PCDHA3: variants seen among roughly 807,000 people sequenced by gnomAD.
The protein encoded by PCDHA3 is protocadherin alpha-3.
In PCDHA3, 41 loss-of-function variants were observed where a neutral mutation model predicts 62.2. That is an observed-to-expected ratio of 0.66 (90% CI 0.51 to 0.86). PCDHA3 has a LOEUF of 0.86. Ranked by LOEUF, PCDHA3 falls within the 40% of genes least tolerant of loss-of-function variation. The pLI, the probability that PCDHA3 is intolerant of heterozygous loss-of-function variation, is 0.00. For synonymous variants in PCDHA3, 640 were observed against 555.4 expected (o/e 1.15, Z -2.14); for missense variants, 1,304 against 1,241.2 (o/e 1.05, Z -0.76).
chr5:140,851,937 T>A, intron 1 of PCDHA3: 1 of 965,138 alleles, frequency 1.0e-6, no homozygotes, highest in Non-Finnish European at 1.3e-6. Context: ...TGAATTGTAG[T>A]ATGTGACTTT....
intron 1 of PCDHA3, chr5:140,857,099 G>C (rs2044359336): frequency 1.9e-6 from 3 of 1,597,240 alleles, no homozygotes; most frequent in Non-Finnish European, 2.6e-6. Context: ...TGAGGTGATT[G>C]TCACTTCTCT....
At chr5:140,883,141 T>C (rs975281074) in intron 1 of PCDHA3, 5 of 1,614,092 alleles carry the variant, frequency 3.1e-6, no homozygotes, top group Non-Finnish European at 4.2e-6. Flanking sequence ...CAGTGGTATA[T>C]GCATTTACCA....
chr5:140,858,449 G>C, intron 1 of PCDHA3: 1 of 1,532,030 alleles, frequency 6.5e-7, no homozygotes, highest in East Asian at 2.4e-5. Context: ...GGGTTATTAC[G>C]TTTTCATTTT....
intron 1 of PCDHA3, among the ~76,000 whole-genome samples, chr5:140,948,132 C>G (rs1397250622): frequency 1.3e-5 from 2 of 151,526 alleles, no homozygotes; most frequent in African/African-American, 4.8e-5. Context: ...TTGGATTACA[C>G]TAATTGATTT....
At chr5:140,998,094 GCAAA>G (rs1182835904) in intron 3 of PCDHA3, among the ~76,000 whole-genome samples, 7 of 152,226 alleles carry the variant, frequency 4.6e-5, no homozygotes, top group African/African-American at 1.4e-4. Flanking sequence ...AAATGCTAGA[GCAAA>G]CAGAGGAGAA....
intron 1 of PCDHA3, among the ~76,000 whole-genome samples, chr5:140,901,078 T>TAAA (rs1554189579): frequency 6.6e-6 from 1 of 152,120 alleles, no homozygotes; most frequent in East Asian, 1.9e-4. Flanking sequence ...TTCTATAGAG[T>TAAA]TGTTTGAGCT....
intron 1 of PCDHA3, among the ~76,000 whole-genome samples, chr5:140,839,447 T>C (rs2150297946): frequency 3.3e-5 from 5 of 151,970 alleles, no homozygotes; most frequent in Non-Finnish European, 5.9e-5. Flanking sequence ...TGCAGTGCAG[T>C]GGCACAATCT....
intron 1 of PCDHA3, chr5:140,967,785 G>C: frequency 6.2e-7 from 1 of 1,614,176 alleles, no homozygotes; most frequent in Non-Finnish European, 8.5e-7. Flanking sequence ...GCGACTGACC[G>C]GGGTCCAGTG....
chr5:140,817,885 G>C (rs1401548186), intron 1 of PCDHA3, among the ~76,000 whole-genome samples: 16 of 152,082 alleles, frequency 1.1e-4, no homozygotes, highest in Admixed American at 1.0e-3. Context: ...AGTTATTTTT[G>C]CCAGCACTTT....
intron 3 of PCDHA3, among the ~76,000 whole-genome samples, chr5:141,007,208 A>G (rs1056049066): frequency 5.3e-5 from 8 of 152,060 alleles, no homozygotes; most frequent in African/African-American, 1.9e-4. Context: ...GGGCCAGAAT[A>G]TGCTGTCCCA....
At chr5:140,927,478 C>A (rs959432734) in intron 1 of PCDHA3, 1 of 1,614,062 alleles carries the variant, frequency 6.2e-7, no homozygotes, top group Non-Finnish European at 8.5e-7. Context: ...TCGCGAACAG[C>A]GCGCCACCCA....
chr5:140,954,016 A>G (rs246027), intron 1 of PCDHA3, among the ~76,000 whole-genome samples: 85,628 of 151,968 alleles, frequency 0.56, 24,747 homozygotes, highest in African/African-American at 0.69. Context: ...GCTCCCACAC[A>G]TAGTGGGACG....
chr5:140,918,210 A>T (rs2078574076), intron 1 of PCDHA3, among the ~76,000 whole-genome samples: 1 of 152,152 alleles, frequency 6.6e-6, no homozygotes, highest in Non-Finnish European at 1.5e-5. Context: ...TTGTTGGTGT[A>T]CAGAAATGCT....
At chr5:140,928,669 A>C in intron 1 of PCDHA3, 1 of 1,614,160 alleles carries the variant, frequency 6.2e-7, no homozygotes, top group Non-Finnish European at 8.5e-7. Flanking sequence ...CAGTGGTTCT[A>C]ATGCCTGGCT....
At chr5:140,823,574 C>A in intron 1 of PCDHA3, 1 of 1,613,944 alleles carries the variant, frequency 6.2e-7, no homozygotes, top group South Asian at 1.1e-5. Flanking sequence ...GACCCTGATT[C>A]GGGCTACAAC....
At chr5:140,968,463 A>G (rs1012242019) in intron 1 of PCDHA3, 6 of 1,613,994 alleles carry the variant, frequency 3.7e-6, no homozygotes, top group Middle Eastern at 1.6e-4. Context: ...GTGACTGCCA[A>G]CGTATATGTG....
intron 1 of PCDHA3, chr5:140,830,332 C>T (rs1483373702): frequency 6.2e-7 from 1 of 1,614,016 alleles, no homozygotes; most frequent in Non-Finnish European, 8.5e-7. Context: ...CAGTGGGGAG[C>T]TGGTCGTACT....
At chr5:140,862,555 G>A (rs926436647) in intron 1 of PCDHA3, 1 of 467,658 alleles carries the variant, frequency 2.1e-6, no homozygotes, top group South Asian at 1.7e-5. Flanking sequence ...TGGCCGAACA[G>A]TGAACCACAA....
chr5:140,967,433 C>A, intron 1 of PCDHA3: 1 of 1,613,500 alleles, frequency 6.2e-7, no homozygotes, highest in Non-Finnish European at 8.5e-7. Context: ...GGCAGCCTTG[C>A]ACCACCTGGT....
Sources: allele counts gnomAD v4.1 joint callset (sites outside exome capture counted in the v4.1 genomes callset), GRCh38; gene constraint gnomAD v4.1.1; transcripts MANE v1.5; gene names NCBI Gene and HGNC (gene_info 2026-07-23, HGNC 2026-07-21).